The following KNL1 variants were observed in gnomAD, a reference collection of about 807,000 sequenced individuals.
The protein encoded by KNL1 is outer kinetochore KNL1 complex subunit KNL1.
KNL1 carries 66 observed loss-of-function variants against 201.3 expected under a neutral mutation model. The ratio of observed to expected loss-of-function variants is 0.33; its 90% CI spans 0.27 to 0.40. KNL1 has a LOEUF of 0.40. Ranked by LOEUF, KNL1 falls within the 10% of genes least tolerant of loss-of-function variation. The pLI, the probability that KNL1 is intolerant of heterozygous loss-of-function variation, is 1.00. For missense variants in KNL1, 2,815 were observed against 2,690.5 expected, an observed-to-expected ratio of 1.05 and a Z score of -1.02; for synonymous variants, 895 against 899.2, an observed-to-expected ratio of 1.00 and a Z score of 0.08.
chr15:40,618,846 T>A (rs1020633116), intron 8 of KNL1, 113 bp from the exon 9 acceptor site: 4 of 640,130 alleles, frequency 6.2e-6, no homozygotes, highest in Non-Finnish European at 1.1e-5. Flanking sequence ...TCTTAAGGGC[T>A]TAGTTACTGG....
At chr15:40,654,047 G>A (rs571079091) in intron 21 of KNL1, among the ~76,000 whole-genome samples, 14 of 152,166 alleles carry the variant, frequency 9.2e-5, no homozygotes, top group Non-Finnish European at 1.6e-4. Context: ...GTCTCCCTGA[G>A]TTGTAAGCTT....
In KNL1 at chr15:40,628,221, T is replaced by A; in HGVS notation, c.5515+13T>A. The A allele has an allele frequency of 6.3e-7, 1 of 1,580,070 alleles. No individual in the cohort carries two copies. ...CTGGACTTCAGCAGTAAGAGCTTCATGAAGGCTAAATAATAGCAGCCATCT... is the reference window on the plus strand; with the variant it reads ...CTGGACTTCAGCAGTAAGAGCTTCAAGAAGGCTAAATAATAGCAGCCATCT... On this transcript the variant is annotated intron_variant, in intron 11 of 25. Transcript: ENST00000399668.
At chr15:40,604,452 T>G (rs1053734224) in intron 2 of KNL1, among the ~76,000 whole-genome samples, 1 of 152,214 alleles carries the variant, frequency 6.6e-6, no homozygotes, top group Non-Finnish European at 1.5e-5. Context: ...GCTCAAGTGA[T>G]TCTCCTGCCA....
intron 1 of KNL1, among the ~76,000 whole-genome samples, chr15:40,601,662 AC>A (rs967053867): frequency 6.6e-6 from 1 of 151,532 alleles, no homozygotes; most frequent in African/African-American, 2.4e-5. Context: ...TACTAAAAAT[AC>A]AAAAAAAATT....
chr15:40,625,240 A>T lies in KNL1; in HGVS notation c.4976A>T (p.Asn1659Ile). The change falls in exon 10 of 26, where the codon AAC (asparagine) becomes ATC (isoleucine). Residue 1659 changes from asparagine to isoleucine, a missense_variant. Physicochemically the swap from Asn to Ile is moderately radical, Grantham distance 149. Coordinates refer to ENST00000399668, the MANE Select transcript of KNL1 (RefSeq NM_144508.5). Reference protein sequence around the residue: ...SLGIFLPRLPNKRNCSVTGID... With the variant: ...SLGIFLPRLPIKRNCSVTGID... ...GGAATCTTTTTGCCTAGATTGCCCA[A>T]CAAGAGAAATTGTAGTGTCACTGGT... 6.2e-7 allele frequency: 1 copy of T among 1,614,058 alleles called. No individual in the cohort carries two copies. The highest frequency in any genetic ancestry group is 8.5e-7 in the Non-Finnish European group (1 of 1,179,954).
intron 21 of KNL1, among the ~76,000 whole-genome samples, chr15:40,653,458 C>CT (rs1353350385): frequency 6.6e-6 from 1 of 152,176 alleles, no homozygotes; most frequent in Admixed American, 6.6e-5. Context: ...TCCCAAAGTG[C>CT]TGGATTACAG....
At chr15:40,647,727 A>C (rs920268158) in intron 17 of KNL1, among the ~76,000 whole-genome samples, 2 of 152,112 alleles carry the variant, frequency 1.3e-5, no homozygotes, top group African/African-American at 4.8e-5. Flanking sequence ...ATAGTCATCA[A>C]ATTTTGTTCT....
intron 17 of KNL1, among the ~76,000 whole-genome samples, chr15:40,649,782 T>C (rs1300089132): frequency 6.6e-6 from 1 of 152,170 alleles, no homozygotes; most frequent in Non-Finnish European, 1.5e-5. Context: ...TCTACTTTGG[T>C]CTTTGCTACT....
intron 1 of KNL1, among the ~76,000 whole-genome samples, chr15:40,597,287 C>G (rs1222591930): frequency 6.6e-6 from 1 of 152,054 alleles, no homozygotes; most frequent in Non-Finnish European, 1.5e-5. Context: ...GTCTCACTCA[C>G]TGTGTTGCCC....
In KNL1 at chr15:40,621,640, A is replaced by G. The variant is rs777418464; in HGVS notation, c.1376A>G (p.Tyr459Cys). The G allele has an allele frequency of 1.9e-6, 3 of 1,612,654 alleles. No homozygotes were observed. In the East Asian group the frequency reaches 6.7e-5, roughly 36 times the overall value. Residue 459 changes from tyrosine (Y) to cysteine (C), a missense_variant, in exon 10 of 26, where the codon TAT becomes TGT. Coordinates refer to ENST00000399668, the MANE Select transcript of KNL1 (RefSeq NM_144508.5). The part of the protein sequence containing the change: ...EKNLLKHDSN[Y>C]AKMYCNPDAM... ...AATTTGCTAAAGCATGACAGTAATTATGCTAAAATGTATTGCAATCCAGAT... is the reference window on the plus strand; with the variant it reads ...AATTTGCTAAAGCATGACAGTAATTGTGCTAAAATGTATTGCAATCCAGAT...
At position 40,622,447 on chromosome 15, in the gene KNL1, A is replaced by G. The variant is rs1043329781; in HGVS notation, c.2183A>G (p.Gln728Arg). The part of the protein sequence containing the change: ...SSHTVKSVLG[Q>R]NSKLAEPLRK... ...CATACAGTGAAATCTGTACTAGGCC[A>G]GAATTCTAAACTGGCTGAGCCACTG... is the stretch of plus-strand genomic sequence containing the variant. The change falls in exon 10 of 26, where the codon CAG (glutamine) becomes CGG (arginine). Residue 728 changes from glutamine (Q) to arginine (R), a missense_variant. Transcript: ENST00000399668. 1.2e-6 allele frequency: 2 copies of G among 1,613,842 alleles called. No homozygotes were observed. Among genetic ancestry groups the G allele is most frequent in the African/African-American group, 2.7e-5 (2 of 74,940 alleles).
Position 40,662,099 on chromosome 15 carries a change from T to G in KNL1, c.6862T>G (p.Ser2288Ala). 1 of 1,608,004 alleles carries G rather than the reference T, an allele frequency of 6.2e-7. No homozygotes were observed. Among genetic ancestry groups the G allele is most frequent in the Non-Finnish European group, 8.5e-7 (1 of 1,174,496 alleles). Reference protein sequence around the residue: ...TSQDDIATILSKVPLENNYLK... With the variant: ...TSQDDIATILAKVPLENNYLK... ...CCAAGATGATATTGCTACCATTCTA[T>G]CTAAAGTGCCACTGGAGAACAACTA... Residue 2288 changes from serine (S) to alanine (A), a missense_variant, in exon 26 of 26, where the codon TCT becomes GCT. Physicochemically the swap from Ser to Ala is moderately conservative, Grantham distance 99 (BLOSUM62 1). This residue lies in a region of KNL1 where 334 missense variants were observed against 362.6 expected (regional missense o/e 0.92). Coordinates refer to ENST00000399668, the MANE Select transcript of KNL1 (RefSeq NM_144508.5).
intron 13 of KNL1, among the ~76,000 whole-genome samples, chr15:40,637,730 C>T (rs952349104): frequency 6.6e-6 from 1 of 152,108 alleles, no homozygotes; most frequent in African/African-American, 2.4e-5. Flanking sequence ...AGCTTTGTTT[C>T]ATGCAGATTA....
chr15:40,624,065 G>C lies in KNL1; in HGVS notation c.3801G>C (p.Leu1267Phe). The C allele has an allele frequency of 6.2e-7, 1 of 1,614,006 alleles. No individual in the cohort carries two copies. The highest frequency in any genetic ancestry group is 2.2e-5 in the East Asian group (1 of 44,880). The change falls in exon 10 of 26, where the codon TTG becomes TTC. Residue 1267 changes from leucine (L) to phenylalanine (F), a missense_variant. Around this residue, in one of 3 missense-constraint regions of KNL1, gnomAD observed 2,464 missense variants for 2,291.7 expected, o/e 1.08. Coordinates refer to ENST00000399668, the MANE Select transcript of KNL1 (RefSeq NM_144508.5). ...IGKVVDQACT[L>F]EKAQVESCQL... Reference sequence around the variant, plus strand: ...AAGTTGTAGACCAGGCCTGTACATTGGAAAAAGCGCAAGTTGAAAGCTGTC... The same window carrying C: ...AAGTTGTAGACCAGGCCTGTACATTCGAAAAAGCGCAAGTTGAAAGCTGTC...
At position 40,625,587 on chromosome 15, in the gene KNL1, AAAAAAATCAG is replaced by A; in HGVS notation, c.5331_5340del (p.Ile1777MetfsTer23). On this transcript the variant is annotated frameshift_variant, in exon 10 of 26. Coordinates refer to ENST00000399668, the MANE Select transcript of KNL1 (RefSeq NM_144508.5). LOFTEE classifies it high-confidence loss of function. The stretch of plus-strand genomic sequence containing the variant: ...AGAAGAAGAAGATATTCATAAGGAG[AAAAAAATCAG>A]AAAAAATGAGATTAAGTTTAGTGAT... 6.2e-7 allele frequency: 1 copy of A among 1,609,082 alleles called. No homozygotes were observed. The highest frequency in any genetic ancestry group is 8.5e-7 in the Non-Finnish European group (1 of 1,178,770).
chr15:40,611,177 C>T (rs368426950), intron 6 of KNL1, among the ~76,000 whole-genome samples: 3 of 150,828 alleles, frequency 2.0e-5, no homozygotes, highest in Non-Finnish European at 4.4e-5. Flanking sequence ...GGTGCGATCT[C>T]GGCTAACTGC....
intron 14 of KNL1, among the ~76,000 whole-genome samples, chr15:40,644,685 T>C (rs943293447): frequency 1.1e-4 from 16 of 152,240 alleles, no homozygotes; most frequent in Non-Finnish European, 2.2e-4. Flanking sequence ...GACTAGAGAA[T>C]AGCGATGACT....
intron 7 of KNL1, among the ~76,000 whole-genome samples, chr15:40,614,323 C>A (rs570976096): frequency 1.3e-5 from 2 of 151,808 alleles, no homozygotes; most frequent in African/African-American, 4.8e-5. Context: ...GTCTCGAACT[C>A]CTGACCTCAG....
Position 40,624,411 on chromosome 15 carries a change from A to G in KNL1, c.4147A>G (p.Ile1383Val), listed in dbSNP as rs764546872. 3 of 1,614,044 alleles carry G rather than the reference A, an allele frequency of 1.9e-6. No individual in the cohort carries two copies. Among genetic ancestry groups the G allele is most frequent in the South Asian group, 2.2e-5 (2 of 91,084 alleles). The change falls in exon 10 of 26, where the codon ATA becomes GTA. Residue 1383 changes from isoleucine to valine, a missense_variant. Coordinates refer to ENST00000399668, the MANE Select transcript of KNL1 (RefSeq NM_144508.5). ...TACCAAAGGACAGTTAGACTGTGTT[A>G]TAACACTGCACAAAGATCAAGATCT... ...TSTKGQLDCV[I>V]TLHKDQDLIK...
Sources: gnomAD v4.1 joint callset for allele counts (sites outside exome capture counted in the v4.1 genomes callset) on GRCh38, gnomAD v4.1.1 for gene constraint, gnomAD v4.1.1 regional missense constraint, MANE v1.5 for transcripts, NCBI Gene and HGNC (gene_info 2026-07-23, HGNC 2026-07-21) for gene names.